GNAQ: variants seen among roughly 807,000 people sequenced by gnomAD.
GNAQ encodes guanine nucleotide-binding protein G(q) subunit alpha.
In GNAQ, 8 loss-of-function variants were observed where a neutral mutation model predicts 43.9. The observed-to-expected ratio is 0.18, with a 90% confidence interval of 0.11 to 0.33. The LOEUF (loss-of-function observed/expected upper bound fraction) is 0.33. Among genes scored for constraint, GNAQ ranks in the 10% least tolerant of loss-of-function variants. GNAQ has a pLI of 1.00. For synonymous variants in GNAQ, 155 were observed against 170.7 expected (o/e 0.91, Z 0.71); for missense variants, 158 against 450.8 (o/e 0.35, Z 5.88).
rs147126732 is a variant in GNAQ at position 77,721,214 on chromosome 9, C to T, written c.*109G>A. The T allele has an allele frequency of 2.2e-4, 147 of 662,130 alleles. 1 individual carries two copies. The East Asian group carries it at 3.5e-3, about 16-fold the overall frequency. The allele number at this position is 662,130 out of a possible 1,614,324, so 41.0% of individuals were successfully genotyped here. On this transcript the variant is annotated 3_prime_UTR_variant, in exon 7 of 7. Coordinates refer to ENST00000286548, the MANE Select transcript of GNAQ (RefSeq NM_002072.5). ...GGACACGCTCACACAGAGTCCAGGA[C>T]GGCAATAAATTAGTATTATGCAAAT...
rs146579298 is a variant in GNAQ, at chr9:77,982,427, C to T, written c.136+48673G>A. ...TCAATTATGGGAATAATGTTATAGG[C>T]TTCTGAAACCTCACAGAAATTTTCC... On this transcript the variant is annotated intron_variant, in intron 1 of 6. Transcript: ENST00000286548. 7.3e-3 allele frequency among the ~76,000 whole-genome samples: 1,117 copies of T among 152,230 alleles called. 20 individuals are homozygous for T. Among genetic ancestry groups the T allele is most frequent in the African/African-American group, 0.024 (996 of 41,556 alleles).
chr9:78,020,252 AT>A (rs540394353), intron 1 of GNAQ, among the ~76,000 whole-genome samples: 22 of 152,320 alleles, frequency 1.4e-4, no homozygotes, highest in African/African-American at 5.3e-4. Flanking sequence ...GAGACATCTC[AT>A]AACACATCAC....
rs144808718 is a variant in GNAQ, at chr9:77,936,269, C to T, written c.137-13924G>A. ...AGTTAAAGGGGAAGAGATATCATAA[C>T]CCAAGATATAATGTATGGCTCTTGG... is the stretch of plus-strand genomic sequence containing the variant. On this transcript the variant is annotated intron_variant, in intron 1 of 6. Transcript: ENST00000286548. Among the ~76,000 whole-genome samples, 243 of 152,232 alleles carry T rather than the reference C, an allele frequency of 1.6e-3. 2 individuals are homozygous for T. Among genetic ancestry groups the T allele is most frequent in the African/African-American group, 5.0e-3 (206 of 41,546 alleles).
At chr9:77,909,212 T>C in intron 2 of GNAQ, among the ~76,000 whole-genome samples, 1 of 152,196 alleles carries the variant, frequency 6.6e-6, no homozygotes, top group East Asian at 1.9e-4. Context: ...CAAGGTCAAC[T>C]GAAAGGTGAA....
intron 1 of GNAQ, among the ~76,000 whole-genome samples, chr9:77,949,570 C>T (rs1564160646): frequency 6.6e-6 from 1 of 152,146 alleles, no homozygotes; most frequent in Non-Finnish European, 1.5e-5. Context: ...GGAACAGCAG[C>T]AGCTGGGGCA....
intron 5 of GNAQ, among the ~76,000 whole-genome samples, chr9:77,790,359 G>A (rs960324652): frequency 1.3e-5 from 2 of 152,152 alleles, no homozygotes; most frequent in African/African-American, 4.8e-5. Context: ...ACAATTTTTA[G>A]AGCAGAACAA....
At chr9:78,004,250 C>G (rs1386873798) in intron 1 of GNAQ, among the ~76,000 whole-genome samples, 1 of 148,286 alleles carries the variant, frequency 6.7e-6, no homozygotes, top group African/African-American at 2.5e-5. Context: ...GAACTGCAGC[C>G]TGGACGACAG....
intron 1 of GNAQ, among the ~76,000 whole-genome samples, chr9:77,979,921 T>G (rs1823348762): frequency 6.6e-6 from 1 of 152,344 alleles, no homozygotes; most frequent in East Asian, 1.9e-4. Flanking sequence ...TCTCAAATTA[T>G]GTACTTGGCC....
At position 77,721,322 on chromosome 9, in the gene GNAQ, A is replaced by G. The variant is rs773426924; in HGVS notation, c.*1T>C. On this transcript the variant is annotated 3_prime_UTR_variant, in exon 7 of 7. Coordinates refer to ENST00000286548, the MANE Select transcript of GNAQ (RefSeq NM_002072.5). ...GCAGGGCGGGTGTCTAGGAGGCACA[A>G]TTAGACCAGATTGTACTCCTTCAGG... 12 of 1,602,262 alleles carry G rather than the reference A, an allele frequency of 7.5e-6. No individual in the cohort carries two copies. Among genetic ancestry groups the G allele is most frequent in the Admixed American group, 1.7e-5 (1 of 58,748 alleles).
intron 2 of GNAQ, among the ~76,000 whole-genome samples, chr9:77,855,106 A>T (rs1331701604): frequency 6.6e-6 from 1 of 152,208 alleles, no homozygotes; most frequent in African/African-American, 2.4e-5. Flanking sequence ...CAAGCCTTAA[A>T]GAAATTGCAC....
chr9:77,991,749 C>T (rs1823510643), intron 1 of GNAQ, among the ~76,000 whole-genome samples: 1 of 152,084 alleles, frequency 6.6e-6, no homozygotes, highest in African/African-American at 2.4e-5. Flanking sequence ...TCCCCTAAGT[C>T]CATTATATAA....
intron 2 of GNAQ, among the ~76,000 whole-genome samples, chr9:77,906,687 C>A (rs1828715423): frequency 6.6e-6 from 1 of 152,184 alleles, no homozygotes; most frequent in African/African-American, 2.4e-5. Flanking sequence ...GGAAATGTAA[C>A]CTGCTGCAAA....
chr9:77,990,432 G>A (rs1188051732), intron 1 of GNAQ, among the ~76,000 whole-genome samples: 1 of 152,050 alleles, frequency 6.6e-6, no homozygotes, highest in African/African-American at 2.4e-5. Flanking sequence ...ATGTTGCCTG[G>A]AGGAGTCCTG....
intron 2 of GNAQ, among the ~76,000 whole-genome samples, chr9:77,912,516 A>G (rs1329418162): frequency 6.6e-6 from 1 of 152,216 alleles, no homozygotes; most frequent in Middle Eastern, 3.2e-3. Flanking sequence ...AAAGGACACA[A>G]AAAAGCAATT....
At chr9:77,976,193 G>GC (rs1442411133) in intron 1 of GNAQ, among the ~76,000 whole-genome samples, 6 of 152,078 alleles carry the variant, frequency 3.9e-5, no homozygotes, top group Admixed American at 3.3e-4. Context: ...TTTAACAAAA[G>GC]CATCTTTAAA....
At chr9:77,972,982 A>G (rs1201619871) in intron 1 of GNAQ, among the ~76,000 whole-genome samples, 1 of 150,578 alleles carries the variant, frequency 6.6e-6, no homozygotes, top group Non-Finnish European at 1.5e-5. Context: ...CCTTTACTTA[A>G]GTAAAAAGGA....
intron 2 of GNAQ, among the ~76,000 whole-genome samples, chr9:77,895,227 AACATCG>A (rs1331865077): frequency 3.3e-5 from 5 of 151,984 alleles, no homozygotes; most frequent in Non-Finnish European, 7.4e-5. Context: ...AATGGCAGCA[AACATCG>A]ACTCTGTGCA....
chr9:77,793,118 T>C (rs1460564023), intron 5 of GNAQ, among the ~76,000 whole-genome samples: 5 of 152,162 alleles, frequency 3.3e-5, no homozygotes, highest in Admixed American at 3.3e-4. Context: ...CCAGGGATTA[T>C]GTAACAAACA....
rs754254450 is a variant in GNAQ at position 78,004,276 on chromosome 9, C to CAAA, written c.136+26821_136+26823dup. Among the ~76,000 whole-genome samples the CAAA allele has an allele frequency of 1.6e-3, 133 of 82,162 alleles. 2 individuals carry two copies. The highest frequency in any genetic ancestry group is 4.9e-3 in the African/African-American group (112 of 22,974). The allele number at this position is 82,162 out of a possible 152,430, so 53.9% of individuals were successfully genotyped here. ...TGGACGACAGAGTAAGACTCTGTCT[C>CAAA]AAAAAAAAAAAAAAAAAATTAATTA... On this transcript the variant is annotated intron_variant, in intron 1 of 6. Transcript: ENST00000286548.
Sources: gnomAD v4.1 joint callset for allele counts (sites outside exome capture counted in the v4.1 genomes callset) on GRCh38, gnomAD v4.1.1 for gene constraint, MANE v1.5 for transcripts, NCBI Gene and HGNC (gene_info 2026-07-23, HGNC 2026-07-21) for gene names.